AMER1: variants seen among roughly 807,000 people sequenced by gnomAD.
AMER1 encodes RP11-403E24.2.
In AMER1, 16 loss-of-function variants were observed where a neutral mutation model predicts 53.0. The observed-to-expected ratio is 0.30, with a 90% CI of 0.20 to 0.46. The LOEUF (loss-of-function observed/expected upper bound fraction) is 0.46. Ranked by LOEUF, AMER1 falls within the 20% of genes least tolerant of loss-of-function variation. The pLI is 1.00. For missense variants in AMER1, 947 were observed against 884.9 expected (o/e 1.07, Z -0.89); for synonymous variants, 354 against 331.9 (o/e 1.07, Z -0.73).
rs1266270293 is a variant in AMER1 at position 64,190,918 on chromosome X, G to A, written c.2369C>T (p.Ser790Phe). The A allele has an allele frequency of 8.3e-7, 1 of 1,209,754 alleles. No individual in the cohort carries two copies. Among genetic ancestry groups the A allele is most frequent in the African/African-American group, 1.7e-5 (1 of 57,203 alleles). ...GNLFSSMSCS[S>F]DSDSSFTQNL... ...TTGAGTGAAAGATGAGTCAGAGTCA[G>A]AGCTGCAGGACATGCTGGAAAAGAG... The change falls in exon 2 of 2, where the codon TCT (serine) becomes TTT (phenylalanine). Residue 790 changes from serine (S) to phenylalanine (F), a missense_variant. Physicochemically the swap from Ser to Phe is radical, Grantham distance 155. Coordinates refer to ENST00000374869, the MANE Select transcript of AMER1 (RefSeq NM_152424.4).
Position 64,192,962 on chromosome X carries a change from C to T in AMER1, c.325G>A (p.Val109Ile), listed in dbSNP as rs1930287829. ...LSEAAHGPED[V>I]VSEGTGFSLP... ...GAGAAGCCAGTTCCTTCACTGACAACATCTTCAGGGCCATGGGCTGCTTCA... is the reference window on the plus strand; with the variant it reads ...GAGAAGCCAGTTCCTTCACTGACAATATCTTCAGGGCCATGGGCTGCTTCA... The change falls in exon 2 of 2, where the codon GTT becomes ATT. Residue 109 changes from valine to isoleucine, a missense_variant. Coordinates refer to ENST00000374869, the MANE Select transcript of AMER1 (RefSeq NM_152424.4). The T allele has an allele frequency of 2.5e-6, 3 of 1,209,942 alleles. No homozygotes were observed. Among genetic ancestry groups the T allele is most frequent in the South Asian group, 1.8e-5 (1 of 56,822 alleles).
chrX:64,197,375 C>T, intron 1 of AMER1, among the ~76,000 whole-genome samples: 1 of 112,799 alleles, frequency 8.9e-6, no homozygotes, highest in Non-Finnish European at 1.9e-5. Context: ...GGAAGGCTGG[C>T]TACAAAGGAA....
chrX:64,196,456 T>C (rs1359140921), intron 1 of AMER1, among the ~76,000 whole-genome samples: 61 of 112,060 alleles, frequency 5.4e-4, no homozygotes, highest in Non-Finnish European at 1.3e-4. Context: ...ACAGTTATTA[T>C]TACTCCTTCC....
chrX:64,204,974 C>T (rs1038456674), intron 1 of AMER1, among the ~76,000 whole-genome samples: 4 of 113,295 alleles, frequency 3.5e-5, no homozygotes, highest in Admixed American at 9.2e-5. Flanking sequence ...ACAGGCCCAA[C>T]TGAGCTCCTC....
intron 1 of AMER1, among the ~76,000 whole-genome samples, chrX:64,202,117 T>C (rs1309268432): frequency 8.9e-6 from 1 of 112,280 alleles, no homozygotes; most frequent in African/African-American, 3.2e-5. Flanking sequence ...GAATTGCAGG[T>C]GTGAGCCACC....
rs1370170733 is a variant in AMER1 at position 64,191,410 on chromosome X, C to A, written c.1877G>T (p.Arg626Leu). 8.3e-7 allele frequency: 1 copy of A among 1,211,829 alleles called. No individual in the cohort carries two copies. ...WEAHGREARTREAQAREVRCR... is the reference protein window; with the variant it reads ...WEAHGREARTLEAQAREVRCR... ...ACGAACCTCTCGGGCCTGGGCTTCT[C>A]GGGTTCTGGCCTCCCTGCCATGAGC... Residue 626 changes from arginine to leucine, a missense_variant, in exon 2 of 2, where the codon CGA becomes CTA. By Grantham distance (102) the Arg-to-Leu change is moderately radical. Transcript: ENST00000374869.
In AMER1 at chrX:64,185,310, C is replaced by T. The variant is rs774781176; in HGVS notation, c.*4569G>A. On this transcript the variant is annotated 3_prime_UTR_variant, in exon 2 of 2. Coordinates refer to ENST00000374869, the MANE Select transcript of AMER1 (RefSeq NM_152424.4). The stretch of plus-strand genomic sequence containing the variant: ...AGCTCAGGTACAGCCAGGGGCCACA[C>T]TCCCCTTTCTGCACTGGGAGAGAAA... The T allele has an allele frequency of 1.9e-5, 3 of 162,062 alleles. No individual in the cohort carries two copies. Among genetic ancestry groups the T allele is most frequent in the East Asian group, 9.1e-5 (1 of 10,992 alleles). The allele number at this position is 162,062 out of a possible 1,213,427, so 13.4% of individuals were successfully genotyped here.
intron 1 of AMER1, among the ~76,000 whole-genome samples, chrX:64,200,156 G>A (rs1236841043): frequency 1.8e-5 from 2 of 112,720 alleles, no homozygotes; most frequent in East Asian, 2.8e-4. Context: ...TGTATCTGAA[G>A]TGGGTACCAT....
rs749108138 is a variant in AMER1, at chrX:64,190,158, G to A, written c.3129C>T (p.Ser1043=). 19 of 1,207,249 alleles carry A rather than the reference G, an allele frequency of 1.6e-5. No individual in the cohort carries two copies. The highest frequency in any genetic ancestry group is 2.1e-5 in the Non-Finnish European group (19 of 893,490). The change falls in exon 2 of 2, where the codon AGC becomes AGT. Residue 1043 remains serine (S), a synonymous_variant. Transcript: ENST00000374869. ...CYNLQPQASQ[S]MRARPRDVLL... The stretch of plus-strand genomic sequence containing the variant: ...GCACATCTCGAGGCCTGGCCCTCAT[G>A]CTCTGGGAGGCCTGTGGCTGGAGGT...
At position 64,191,824 on chromosome X, in the gene AMER1, C is replaced by T. The variant is rs1309773839; in HGVS notation, c.1463G>A (p.Gly488Glu). 2 of 1,209,757 alleles carry T rather than the reference C, an allele frequency of 1.7e-6. No homozygotes were observed. Among genetic ancestry groups the T allele is most frequent in the East Asian group, 3.0e-5 (1 of 33,733 alleles). Residue 488 changes from glycine (G) to glutamate (E), a missense_variant, in exon 2 of 2, where the codon GGG (glycine) becomes GAG (glutamate). Gly to Glu is a moderately conservative substitution (Grantham distance 98). Coordinates refer to ENST00000374869, the MANE Select transcript of AMER1 (RefSeq NM_152424.4). The part of the protein sequence containing the change: ...GFEDDSGEAL[G>E]LVRRDCLPRD... ...GGGTAGACAATCCCTGCGGACAAGC[C>T]CCAGGGCCTCACCTGAATCATCCTC...
Position 64,189,002 on chromosome X carries a change from A to C in AMER1, c.*877T>G. 1.2e-6 allele frequency: 1 copy of C among 806,019 alleles called. No homozygotes were observed. Among genetic ancestry groups the C allele is most frequent in the Non-Finnish European group, 1.5e-6 (1 of 671,352 alleles). 66.4% of individuals were successfully genotyped at this position (806,019 alleles called of 1,213,427 possible). On this transcript the variant is annotated 3_prime_UTR_variant, in exon 2 of 2. Transcript: ENST00000374869. Reference sequence around the variant, plus strand: ...AAATCCTATCATTCCGGAGCTCAACACTCTATGGCAGTGTCCACAACAGAA... The same window carrying C: ...AAATCCTATCATTCCGGAGCTCAACCCTCTATGGCAGTGTCCACAACAGAA...
chrX:64,203,819 T>C (rs982282568), intron 1 of AMER1, among the ~76,000 whole-genome samples: 1 of 111,775 alleles, frequency 8.9e-6, no homozygotes, highest in Non-Finnish European at 1.9e-5. Flanking sequence ...GGTCCAGCCC[T>C]GGGCTAGAGA....
Position 64,190,136 on chromosome X carries a change from C to A in AMER1, c.3151G>T (p.Val1051Leu), listed in dbSNP as rs751054920. 1.7e-6 allele frequency: 2 copies of A among 1,207,930 alleles called. No individual in the cohort carries two copies. Among genetic ancestry groups the A allele is most frequent in the Admixed American group, 4.4e-5 (2 of 45,725 alleles). Reference protein sequence around the residue: ...SQSMRARPRDVLLPVDEPSCS... With the variant: ...SQSMRARPRDLLLPVDEPSCS... ...CTGGGCTCATCAACAGGCAGCAGCA[C>A]ATCTCGAGGCCTGGCCCTCATGCTC... The change falls in exon 2 of 2, where the codon GTG (valine) becomes TTG (leucine). Residue 1051 changes from valine to leucine, a missense_variant. Physicochemically the swap from Val to Leu is conservative, Grantham distance 32. Transcript: ENST00000374869.
At chrX:64,201,594 T>C (rs1480863316) in intron 1 of AMER1, among the ~76,000 whole-genome samples, 2 of 111,716 alleles carry the variant, frequency 1.8e-5, no homozygotes, top group African/African-American at 6.5e-5. Flanking sequence ...TATGAAATAT[T>C]GCCTCAGGGG....
Position 64,193,209 on chromosome X carries a change from T to C in AMER1, c.78A>G (p.Glu26=). The change falls in exon 2 of 2, where the codon GAA becomes GAG. Residue 26 remains glutamate (E), a synonymous_variant. Transcript: ENST00000374869. Reference sequence around the variant, plus strand: ...CAGCTGCCTTGTTCTTGGCTCCTTTTTCTGCTGTTTGTTCACGGGTACTCC... The same window carrying C: ...CAGCTGCCTTGTTCTTGGCTCCTTTCTCTGCTGTTTGTTCACGGGTACTCC... The part of the protein sequence containing the change: ...ASGSTREQTA[E]KGAKNKAAEA... 8.3e-7 allele frequency: 1 copy of C among 1,211,936 alleles called. No homozygotes were observed.
intron 1 of AMER1, among the ~76,000 whole-genome samples, chrX:64,204,520 C>A (rs1602073689): frequency 1.8e-5 from 2 of 113,094 alleles, no homozygotes; most frequent in Admixed American, 1.8e-4. Flanking sequence ...ATGACAGGGG[C>A]CTGGCGGGCT....
Position 64,190,302 on chromosome X carries a change from G to A in AMER1, c.2985C>T (p.Cys995=), listed in dbSNP as rs2147084837. Residue 995 remains cysteine (C), a synonymous_variant, in exon 2 of 2, where the codon TGC becomes TGT. Transcript: ENST00000374869. ...ATATTGACATGGTCATAGGAGGTAT[G>A]CAACAGGTTGCCTGCCTATATGGAG... is the stretch of plus-strand genomic sequence containing the variant. ...SQSPYRQATC[C]IPPMTMSISL... 4 of 1,211,712 alleles carry A rather than the reference G, an allele frequency of 3.3e-6. No homozygotes were observed. Among genetic ancestry groups the A allele is most frequent in the Non-Finnish European group, 4.5e-6 (4 of 895,492 alleles).
At chrX:64,195,387 T>C (rs763731725) in intron 1 of AMER1, among the ~76,000 whole-genome samples, 1 of 112,329 alleles carries the variant, frequency 8.9e-6, no homozygotes, top group Non-Finnish European at 1.9e-5. Flanking sequence ...TGGAATTCAG[T>C]GCTTCAGGGC....
In AMER1 at chrX:64,191,840, A is replaced by C. The variant is rs1930252846; in HGVS notation, c.1447T>G (p.Ser483Ala). The change falls in exon 2 of 2, where the codon TCA (serine) becomes GCA (alanine). Residue 483 changes from serine (S) to alanine (A), a missense_variant. By Grantham distance (99) the Ser-to-Ala change is moderately conservative (BLOSUM62 1). Coordinates refer to ENST00000374869, the MANE Select transcript of AMER1 (RefSeq NM_152424.4). ...DSTTPGFEDD[S>A]GEALGLVRRD... ...CGGACAAGCCCCAGGGCCTCACCTG[A>C]ATCATCCTCAAATCCAGGTGTGGTG... 3 of 1,211,581 alleles carry C rather than the reference A, an allele frequency of 2.5e-6. No homozygotes were observed. In the East Asian group the frequency reaches 8.9e-5, roughly 36 times the overall value.
Sources: allele counts gnomAD v4.1 joint callset (sites outside exome capture counted in the v4.1 genomes callset), GRCh38; gene constraint gnomAD v4.1.1; transcripts MANE v1.5; gene names NCBI Gene and HGNC (gene_info 2026-07-23, HGNC 2026-07-21).